The following PPARD variants were observed in gnomAD, a reference collection of about 807,000 sequenced individuals.
PPARD encodes peroxisome proliferator-activated receptor delta.
A neutral mutation model predicts 39.5 loss-of-function variants in PPARD; 6 were observed. The ratio of observed to expected loss-of-function variants is 0.15; its 90% CI spans 0.08 to 0.30. The LOEUF is 0.30. Among genes scored for constraint, PPARD ranks in the 10% least tolerant of loss-of-function variants. The pLI, the probability that PPARD is intolerant of heterozygous loss-of-function variation, is 1.00. For missense variants in PPARD, 397 were observed against 596.8 expected (o/e 0.67, Z 3.49); for synonymous variants, 210 against 231.3 (o/e 0.91, Z 0.83).
rs9658156 is a variant in PPARD, at chr6:35,421,733, T to C, written c.286-87T>C. 9.0e-5 allele frequency: 128 copies of C among 1,421,866 alleles called. No homozygotes were observed. In the East Asian group the frequency reaches 2.9e-3, roughly 32 times the overall value. The allele number at this position is 1,421,866 out of a possible 1,614,324, so 88.1% of individuals were successfully genotyped here. ...TCGTTACTTCCAAATGTCAGGAGTG[T>C]TTACACCTTATACATAATCGGGCCC... is the stretch of plus-strand genomic sequence containing the variant. On this transcript the variant is annotated intron_variant, in intron 4 of 7. Coordinates refer to ENST00000360694, the MANE Select transcript of PPARD (RefSeq NM_006238.5).
At chr6:35,423,410 T>C (rs1187200602) in intron 5 of PPARD, among the ~76,000 whole-genome samples, 1 of 150,760 alleles carries the variant, frequency 6.6e-6, no homozygotes, top group Admixed American at 6.6e-5. Flanking sequence ...GGTGGGCGCC[T>C]ATAATCCCAG....
intron 1 of PPARD, among the ~76,000 whole-genome samples, chr6:35,345,599 G>T (rs1035345928): frequency 6.6e-6 from 1 of 152,152 alleles, no homozygotes; most frequent in African/African-American, 2.4e-5. Context: ...CTTCACCATG[G>T]CCTTCTTGTG....
intron 1 of PPARD, among the ~76,000 whole-genome samples, chr6:35,346,567 G>T (rs1192755090): frequency 6.6e-6 from 1 of 152,212 alleles, no homozygotes; most frequent in Non-Finnish European, 1.5e-5. Context: ...ATTCCAGGGT[G>T]TCAGAGGAGC....
chr6:35,411,242 A>G (rs1765405967), intron 3 of PPARD, 25 bp downstream of exon 3: 2 of 1,483,876 alleles, frequency 1.3e-6, no homozygotes, highest in African/African-American at 2.9e-5. Context: ...GGCAGGGGAC[A>G]CGGGGCAGAG....
intron 2 of PPARD, among the ~76,000 whole-genome samples, chr6:35,381,559 C>T (rs558076838): frequency 6.6e-6 from 1 of 152,186 alleles, no homozygotes; most frequent in South Asian, 2.1e-4. Context: ...TGCGGGAGCC[C>T]CAACCATCAT....
In PPARD at chr6:35,351,049, G is replaced by A. The variant is rs568167008; in HGVS notation, c.-102+3899G>A. On this transcript the variant is annotated intron_variant, in intron 2 of 7. Transcript: ENST00000360694. ...TTTGTTTGTTTTTGTTTTTTGAGAC[G>A]GAGTCTCTCTCTGTCACCCAGGCTG... 5.3e-5 allele frequency among the ~76,000 whole-genome samples: 8 copies of A among 151,236 alleles called. No individual in the cohort carries two copies. In the East Asian group the frequency reaches 7.9e-4, roughly 15 times the overall value.
chr6:35,412,695 C>T lies in PPARD; in HGVS notation c.130+1478C>T, dbSNP rs1765508469. ...TATAGAGCCATCATTCAGTCCTTCT[C>T]ATCTCACCCAGGATCACCTGGGAGT... On this transcript the variant is annotated intron_variant, in intron 3 of 7. Transcript: ENST00000360694. This position sits in a 1 kb window ranked among gnomAD's most constrained non-coding sequence, Gnocchi z 4.1. Among the ~76,000 whole-genome samples, 1 of 152,150 alleles carries T rather than the reference C, an allele frequency of 6.6e-6. No homozygotes were observed. Among genetic ancestry groups the T allele is most frequent in the African/African-American group, 2.4e-5 (1 of 41,430 alleles).
intron 3 of PPARD, among the ~76,000 whole-genome samples, chr6:35,418,912 C>T (rs1436671832): frequency 6.6e-6 from 1 of 152,174 alleles, no homozygotes; most frequent in Non-Finnish European, 1.5e-5. Flanking sequence ...TGCTGCCACT[C>T]CTAGGACCCA....
At position 35,366,627 on chromosome 6, in the gene PPARD, G is replaced by A. The variant is rs763900436; in HGVS notation, c.-102+19477G>A. Among the ~76,000 whole-genome samples, 3 of 151,442 alleles carry A rather than the reference G, an allele frequency of 2.0e-5. No individual in the cohort carries two copies. Among genetic ancestry groups the A allele is most frequent in the Non-Finnish European group, 4.4e-5 (3 of 67,964 alleles). On this transcript the variant is annotated intron_variant, in intron 2 of 7. Coordinates refer to ENST00000360694, the MANE Select transcript of PPARD (RefSeq NM_006238.5). This position sits in a 1 kb window ranked among gnomAD's most constrained non-coding sequence, Gnocchi z 4.6. Reference sequence around the variant, plus strand: ...TGCAGTGGCATGATCTCGGCTCACTGCAACCTCTGCCTCCCGGGTTCAAGC... The same window carrying A: ...TGCAGTGGCATGATCTCGGCTCACTACAACCTCTGCCTCCCGGGTTCAAGC...
rs1229285028 is a variant in PPARD at position 35,420,113 on chromosome 6, T to C, written c.131-14T>C. ...GGCAGCATGTGGAGCTGCCCCTCCA[T>C]CGTGTGTCCGCAGACCTCTCCCGGA... On this transcript the variant is annotated splice_polypyrimidine_tract_variant and intron_variant, in intron 3 of 7. Transcript: ENST00000360694. 1 of 1,609,352 alleles carries C rather than the reference T, an allele frequency of 6.2e-7. No individual in the cohort carries two copies.
intron 3 of PPARD, among the ~76,000 whole-genome samples, chr6:35,415,966 C>T (rs545973628): frequency 2.0e-5 from 3 of 152,226 alleles, no homozygotes; most frequent in South Asian, 4.1e-4. Flanking sequence ...AGTGGGGCCA[C>T]GGTAGGCACT....
intron 2 of PPARD, among the ~76,000 whole-genome samples, chr6:35,384,006 G>C (rs1763357520): frequency 7.0e-6 from 1 of 143,194 alleles, no homozygotes; most frequent in South Asian, 2.2e-4. Flanking sequence ...TCAGCCCCAC[G>C]CCCCGCCAGC....
chr6:35,418,085 AGCT>A (rs1765891592), intron 3 of PPARD, among the ~76,000 whole-genome samples: 2 of 152,122 alleles, frequency 1.3e-5, no homozygotes, highest in Admixed American at 1.3e-4. Flanking sequence ...GGTGGAAGTG[AGCT>A]CAGAGATCCA....
chr6:35,367,147 G>C (rs895893988), intron 2 of PPARD, among the ~76,000 whole-genome samples: 3 of 152,102 alleles, frequency 2.0e-5, no homozygotes, highest in African/African-American at 7.2e-5. Flanking sequence ...GGATGGCTGG[G>C]GCAAAGATAA....
At chr6:35,368,737 AG>A (rs1209874196) in intron 2 of PPARD, among the ~76,000 whole-genome samples, 1 of 152,240 alleles carries the variant, frequency 6.6e-6, no homozygotes, top group Non-Finnish European at 1.5e-5. Flanking sequence ...GAAAGTGTCC[AG>A]GAAGTTTCTA....
At chr6:35,407,603 G>A (rs1432604681) in intron 2 of PPARD, among the ~76,000 whole-genome samples, 1 of 151,440 alleles carries the variant, frequency 6.6e-6, no homozygotes, top group African/African-American at 2.4e-5. Flanking sequence ...CATCGCACAT[G>A]TATATATAGG....
At chr6:35,394,098 C>T (rs1764172686) in intron 2 of PPARD, among the ~76,000 whole-genome samples, 1 of 152,214 alleles carries the variant, frequency 6.6e-6, no homozygotes, top group Non-Finnish European at 1.5e-5. Flanking sequence ...TATTTATCTC[C>T]CCACCAGTCC....
At chr6:35,385,166 T>C (rs1581596322) in intron 2 of PPARD, among the ~76,000 whole-genome samples, 1 of 145,210 alleles carries the variant, frequency 6.9e-6, no homozygotes, top group African/African-American at 2.6e-5. Flanking sequence ...CGGGCCAGGA[T>C]GACAATGGCG....
intron 2 of PPARD, among the ~76,000 whole-genome samples, chr6:35,373,403 A>G (rs1347188993): frequency 6.6e-6 from 1 of 152,188 alleles, no homozygotes; most frequent in Non-Finnish European, 1.5e-5. Context: ...GAGAGTGTTA[A>G]GTGCCTTGAT....
Sources: gnomAD v4.1 joint callset for allele counts (sites outside exome capture counted in the v4.1 genomes callset) on GRCh38, gnomAD v4.1.1 for gene constraint, Gnocchi (gnomAD v3.1) non-coding constraint, MANE v1.5 for transcripts, NCBI Gene and HGNC (gene_info 2026-07-23, HGNC 2026-07-21) for gene names.